The following ADRA1B variants were observed in gnomAD, a reference collection of about 807,000 sequenced individuals.
ADRA1B encodes the protein alpha-1B adrenergic receptor.
Under a neutral mutation model 17.9 loss-of-function variants are expected in ADRA1B, and 17 were observed. That is an observed-to-expected ratio of 0.95 (90% CI 0.65 to 1.42). ADRA1B has a LOEUF of 1.42. Among genes scored for constraint, ADRA1B ranks in the 40% most tolerant of loss-of-function variants. The pLI is 0.00. For synonymous variants in ADRA1B, 366 were observed against 327.6 expected, an observed-to-expected ratio of 1.12 and a Z score of -1.27; for missense variants, 681 against 722.1, an observed-to-expected ratio of 0.94 and a Z score of 0.65.
At chr5:159,941,442 G>T (rs1395145244) in intron 1 of ADRA1B, among the ~76,000 whole-genome samples, 1 of 152,142 alleles carries the variant, frequency 6.6e-6, no homozygotes, top group Non-Finnish European at 1.5e-5. Context: ...ATGTAGAAGG[G>T]CACAGCCACT....
At chr5:159,961,404 A>G (rs995726608) in intron 1 of ADRA1B, among the ~76,000 whole-genome samples, 6 of 152,206 alleles carry the variant, frequency 3.9e-5, no homozygotes, top group Admixed American at 1.3e-4. Flanking sequence ...ACATGGCTCT[A>G]TTGGCCCAAA....
At chr5:159,981,009 G>C in the ADRA1B span, among the ~76,000 whole-genome samples, 1 of 152,272 alleles carries the variant, frequency 6.6e-6, no homozygotes, top group South Asian at 2.1e-4. Context: ...GGGCTAATGA[G>C]CAAATGTTGG....
At chr5:159,975,185 A>G (rs1178929211), downstream of ADRA1B, among the ~76,000 whole-genome samples, 2 of 152,214 alleles carry the variant, frequency 1.3e-5, no homozygotes, top group African/African-American at 4.8e-5. Context: ...AATCTGATAT[A>G]AGATCAGCCC....
At chr5:159,878,498 T>A (rs1753825228) in intron 1 of ADRA1B, among the ~76,000 whole-genome samples, 1 of 152,196 alleles carries the variant, frequency 6.6e-6, no homozygotes, top group Non-Finnish European at 1.5e-5. Flanking sequence ...GCAATCTGTC[T>A]GATTAATTCA....
the ADRA1B span, among the ~76,000 whole-genome samples, chr5:159,986,644 T>C: frequency 5.9e-5 from 9 of 152,124 alleles, no homozygotes; most frequent in African/African-American, 2.2e-4. Context: ...ATTTAGCAGA[T>C]AGAAATAAGA....
At chr5:159,907,027 C>T (rs1032898975) in intron 1 of ADRA1B, among the ~76,000 whole-genome samples, 1 of 152,150 alleles carries the variant, frequency 6.6e-6, no homozygotes, top group African/African-American at 2.4e-5. Context: ...TGGCCAGCCT[C>T]CAGTGAGATG....
At chr5:159,880,088 G>A (rs972817408) in intron 1 of ADRA1B, among the ~76,000 whole-genome samples, 3 of 152,234 alleles carry the variant, frequency 2.0e-5, no homozygotes, top group Non-Finnish European at 1.5e-5. Flanking sequence ...TGTGGCGATT[G>A]TTAGCTAAGG....
chr5:159,980,379 C>G, the ADRA1B span, among the ~76,000 whole-genome samples: 1 of 152,058 alleles, frequency 6.6e-6, no homozygotes, highest in Non-Finnish European at 1.5e-5. Context: ...AGGGAGAGCC[C>G]GAACAAGACT....
Position 159,935,178 on chromosome 5 carries a change from G to T in ADRA1B, c.949+17324G>T, listed in dbSNP as rs182235775. On this transcript the variant is annotated intron_variant, in intron 1 of 1. Transcript: ENST00000306675. Reference sequence around the variant, plus strand: ...TTCTCACTGAATAGTCGGGAAAATTGTCTGTTAAAAAAGGGCAAAAGAGTA... The same window carrying T: ...TTCTCACTGAATAGTCGGGAAAATTTTCTGTTAAAAAAGGGCAAAAGAGTA... Among the ~76,000 whole-genome samples, 245 of 152,232 alleles carry T rather than the reference G, an allele frequency of 1.6e-3. 2 individuals carry two copies. The highest frequency in any genetic ancestry group is 5.7e-3 in the African/African-American group (236 of 41,556).
At chr5:159,935,932 A>G (rs1326081645) in intron 1 of ADRA1B, among the ~76,000 whole-genome samples, 1 of 152,248 alleles carries the variant, frequency 6.6e-6, no homozygotes, top group East Asian at 1.9e-4. Context: ...CCTGGGTTCA[A>G]ACTCCACTCC....
chr5:159,876,920 C>T (rs142951537), intron 1 of ADRA1B, among the ~76,000 whole-genome samples: 1 of 152,332 alleles, frequency 6.6e-6, no homozygotes, highest in East Asian at 1.9e-4. Context: ...GTTTCAGGTA[C>T]TTGCCTGGCC....
At chr5:159,949,569 A>C (rs1009278173) in intron 1 of ADRA1B, among the ~76,000 whole-genome samples, 3 of 152,254 alleles carry the variant, frequency 2.0e-5, no homozygotes, top group African/African-American at 7.2e-5. Flanking sequence ...TAATACACTC[A>C]TTCTTCAAAT....
At chr5:159,865,704 C>CA (rs1014677655) in intron 1 of ADRA1B, among the ~76,000 whole-genome samples, 2 of 152,144 alleles carry the variant, frequency 1.3e-5, no homozygotes, top group African/African-American at 2.4e-5. Flanking sequence ...CCATTTTGTT[C>CA]AAAAAATCCC....
At chr5:159,905,766 C>G (rs944939653) in intron 1 of ADRA1B, among the ~76,000 whole-genome samples, 1 of 152,120 alleles carries the variant, frequency 6.6e-6, no homozygotes, top group Admixed American at 6.5e-5. Flanking sequence ...TGGGGAGGGG[C>G]AGGACAGTCT....
chr5:159,902,596 C>T (rs537476844), intron 1 of ADRA1B, among the ~76,000 whole-genome samples: 1 of 152,188 alleles, frequency 6.6e-6, no homozygotes, highest in East Asian at 1.9e-4. Context: ...TTCAAGGCCC[C>T]ACCCTGGGTG....
At chr5:159,901,356 T>G in intron 1 of ADRA1B, among the ~76,000 whole-genome samples, 1 of 134,994 alleles carries the variant, frequency 7.4e-6, no homozygotes. Flanking sequence ...AGAACCCCAC[T>G]AGGATCACTA....
At chr5:159,875,291 A>G (rs1440562577) in intron 1 of ADRA1B, among the ~76,000 whole-genome samples, 5 of 152,016 alleles carry the variant, frequency 3.3e-5, no homozygotes, top group Admixed American at 6.5e-5. Context: ...ACACAGTTAT[A>G]TCCTTTTATT....
chr5:159,883,281 C>T (rs978278392), intron 1 of ADRA1B, among the ~76,000 whole-genome samples: 2 of 152,170 alleles, frequency 1.3e-5, no homozygotes, highest in African/African-American at 4.8e-5. Context: ...CAGTCTGGCA[C>T]GATGATTCTT....
intron 1 of ADRA1B, among the ~76,000 whole-genome samples, chr5:159,924,529 A>G (rs1346764396): frequency 6.6e-6 from 1 of 152,130 alleles, no homozygotes; most frequent in Non-Finnish European, 1.5e-5. Flanking sequence ...CTCAGCTTTG[A>G]TGTGAGATTC....
Sources: gnomAD v4.1 joint callset for allele counts (sites outside exome capture counted in the v4.1 genomes callset) on GRCh38, gnomAD v4.1.1 for gene constraint, MANE v1.5 for transcripts, NCBI Gene and HGNC (gene_info 2026-07-23, HGNC 2026-07-21) for gene names.